The following RAB6B variants were observed in gnomAD, a reference collection of about 807,000 sequenced individuals.
RAB6B encodes the protein RAB6B, member RAS oncogene family, also known as ras-related protein Rab-6B.
RAB6B carries 7 observed loss-of-function variants against 31.2 expected under a neutral mutation model. The observed-to-expected ratio is 0.22, with a 90% CI of 0.13 to 0.42. RAB6B has a LOEUF of 0.42. Ranked by LOEUF, RAB6B falls within the 10% of genes least tolerant of loss-of-function variation. The probability of loss-of-function intolerance (pLI) is 1.00; values close to 1 mark genes in which losing one functional copy is unlikely to be tolerated. For missense variants in RAB6B, 149 were observed against 280.6 expected (o/e 0.53, Z 3.35); for synonymous variants, 105 against 104.9 (o/e 1.00, Z -0.01).
At chr3:133,888,718 T>C (rs1048115985) in intron 1 of RAB6B, among the ~76,000 whole-genome samples, 1 of 152,214 alleles carries the variant, frequency 6.6e-6, no homozygotes. Flanking sequence ...GTTATGAAAA[T>C]AATGAAAACA....
At chr3:133,892,130 G>A (rs980864957) in intron 1 of RAB6B, among the ~76,000 whole-genome samples, 3 of 152,098 alleles carry the variant, frequency 2.0e-5, no homozygotes, top group African/African-American at 7.2e-5. Flanking sequence ...TTGTCTTCTC[G>A]GACGCCATCA....
chr3:133,864,168 G>C (rs1576403037), intron 2 of RAB6B, among the ~76,000 whole-genome samples: 1 of 149,856 alleles, frequency 6.7e-6, no homozygotes, highest in South Asian at 2.1e-4. Flanking sequence ...GTGTGTGGGG[G>C]GGGGCGGGGG....
rs898913004 is a variant in RAB6B, at chr3:133,826,974, G to A, written c.*1814C>T. 6.5e-6 allele frequency: 1 copy of A among 152,674 alleles called. No individual in the cohort carries two copies. The highest frequency in any genetic ancestry group is 1.5e-5 in the Non-Finnish European group (1 of 68,052). 9.5% of individuals were successfully genotyped at this position (152,674 alleles called of 1,614,324 possible). A position where few individuals can be genotyped will look rare whatever the true frequency, so the allele number is the denominator to read the frequency against. On this transcript the variant is annotated 3_prime_UTR_variant, in exon 8 of 8. Transcript: ENST00000285208. Reference sequence around the variant, plus strand: ...ACACACATATAAAAACTAAACACATGACATCTGAAACACGTTCAAACATTG... The same window carrying A: ...ACACACATATAAAAACTAAACACATAACATCTGAAACACGTTCAAACATTG...
intron 1 of RAB6B, among the ~76,000 whole-genome samples, chr3:133,883,247 G>A (rs1413948756): frequency 2.0e-5 from 3 of 152,340 alleles, no homozygotes; most frequent in African/African-American, 4.8e-5. Flanking sequence ...CAGAGGCAGT[G>A]TGCTGGAAAA....
In RAB6B at chr3:133,827,746, A is replaced by ACACCCCCCC; in HGVS notation, c.*1041_*1042insGGGGGGGTG. On this transcript the variant is annotated 3_prime_UTR_variant, in exon 8 of 8. Coordinates refer to ENST00000285208, the MANE Select transcript of RAB6B (RefSeq NM_016577.4). The stretch of plus-strand genomic sequence containing the variant: ...TCAAGGTGGTGGTTCTGCAGACAAC[A>ACACCCCCCC]CCCCCCCCCCCCCCCGCCTCCCCAT... 1.4e-5 allele frequency: 1 copy of ACACCCCCCC among 72,110 alleles called. No individual in the cohort carries two copies. The highest frequency in any genetic ancestry group is 1.2e-4 in the South Asian group (1 of 8,432). 4.5% of individuals were successfully genotyped at this position (72,110 alleles called of 1,614,324 possible).
chr3:133,834,481 G>A lies in RAB6B; in HGVS notation c.562+94C>T, dbSNP rs1935703032. 3 of 1,356,898 alleles carry A rather than the reference G, an allele frequency of 2.2e-6. No homozygotes were observed. In the Admixed American group the frequency reaches 5.0e-5, roughly 23 times the overall value. The allele number at this position is 1,356,898 out of a possible 1,614,324, so 84.1% of individuals were successfully genotyped here. ...CGGCAGACCAGGGAAGGCTGGGCGG[G>A]GACTGGGCGAGTGTCTGTCCACTGC... On this transcript the variant is annotated intron_variant, in intron 7 of 7. Coordinates refer to ENST00000285208, the MANE Select transcript of RAB6B (RefSeq NM_016577.4).
At chr3:133,871,427 G>A (rs553197642) in intron 1 of RAB6B, among the ~76,000 whole-genome samples, 54 of 152,340 alleles carry the variant, frequency 3.5e-4, no homozygotes, top group South Asian at 6.2e-4. Flanking sequence ...TGGATGAAAC[G>A]ACAGTCATGT....
chr3:133,863,784 T>C (rs1410001528), intron 2 of RAB6B, among the ~76,000 whole-genome samples: 1 of 152,218 alleles, frequency 6.6e-6, no homozygotes, highest in Non-Finnish European at 1.5e-5. Context: ...TTATCATTTG[T>C]CTCTATCTAA....
At chr3:133,852,714 A>C (rs1032575352) in intron 2 of RAB6B, among the ~76,000 whole-genome samples, 1 of 152,156 alleles carries the variant, frequency 6.6e-6, no homozygotes, top group African/African-American at 2.4e-5. Context: ...CCAGGGCACA[A>C]GTGATCCTTC....
At chr3:133,832,264 G>A (rs558001351) in intron 7 of RAB6B, among the ~76,000 whole-genome samples, 1 of 152,136 alleles carries the variant, frequency 6.6e-6, no homozygotes, top group Non-Finnish European at 1.5e-5. Flanking sequence ...ACCATTTGGT[G>A]GCCCCTTGGC....
Position 133,839,611 on chromosome 3 carries a change from T to G in RAB6B, c.296A>C (p.Asn99Thr). ...AVVVYDITNL[N>T]SFQQTSKWID... ...CCACTTAGAGGTCTGTTGGAAGGAG[T>G]TGAGATCTGGAGGCAGAAAGTGAGG... is the stretch of plus-strand genomic sequence containing the variant. The change falls in exon 5 of 8, where the codon AAC becomes ACC. Residue 99 changes from asparagine (N) to threonine (T), a missense_variant. This residue lies in a region of RAB6B where 75 missense variants were observed against 180.1 expected (regional missense o/e 0.42). Coordinates refer to ENST00000285208, the MANE Select transcript of RAB6B (RefSeq NM_016577.4). 1.9e-6 allele frequency: 3 copies of G among 1,611,244 alleles called. No individual in the cohort carries two copies. Among genetic ancestry groups the G allele is most frequent in the Non-Finnish European group, 8.5e-7 (1 of 1,177,612 alleles).
At chr3:133,842,462 T>C (rs1935849879) in intron 2 of RAB6B, among the ~76,000 whole-genome samples, 1 of 152,238 alleles carries the variant, frequency 6.6e-6, no homozygotes, top group African/African-American at 2.4e-5. Flanking sequence ...GAGATATCAC[T>C]GCTATGTAAT....
intron 2 of RAB6B, among the ~76,000 whole-genome samples, chr3:133,843,703 C>G (rs1935868680): frequency 1.3e-5 from 2 of 152,200 alleles, no homozygotes; most frequent in African/African-American, 4.8e-5. Flanking sequence ...TCCCAGCCTT[C>G]TTTGCAGCTG....
At position 133,828,823 on chromosome 3, in the gene RAB6B, C is replaced by T. The variant is rs1935613944; in HGVS notation, c.592G>A (p.Glu198Lys). The change falls in exon 8 of 8, where the codon GAG becomes AAG. Residue 198 changes from glutamate (E) to lysine (K), a missense_variant. Physicochemically the swap from Glu to Lys is moderately conservative, Grantham distance 56. This residue lies in a region of RAB6B where 74 missense variants were observed against 100.5 expected (regional missense o/e 0.74). Coordinates refer to ENST00000285208, the MANE Select transcript of RAB6B (RefSeq NM_016577.4). ...CAGCCGCCCTCGCTGGCCGGGGGCT[C>T]CTGGGGTTTGTCCAGCTTGATGTCG... ...MIDIKLDKPQ[E>K]PPASEGGCSC The T allele has an allele frequency of 6.2e-7, 1 of 1,613,244 alleles. No individual in the cohort carries two copies. Among genetic ancestry groups the T allele is most frequent in the African/African-American group, 1.3e-5 (1 of 74,878 alleles).
chr3:133,877,174 G>T (rs1936408765), intron 1 of RAB6B, among the ~76,000 whole-genome samples: 1 of 152,220 alleles, frequency 6.6e-6, no homozygotes, highest in Admixed American at 6.5e-5. Flanking sequence ...AAAGGATAGG[G>T]CTGAGGCTCA....
intron 5 of RAB6B, 70 bp downstream of exon 5, chr3:133,839,436 G>A: frequency 7.4e-7 from 1 of 1,343,852 alleles, no homozygotes; most frequent in Non-Finnish European, 1.1e-6. Context: ...GCATCCCAGA[G>A]CTCCCTGTCC....
rs373073400 is a variant in RAB6B, at chr3:133,825,417, G to A, written c.*3371C>T. Reference sequence around the variant, plus strand: ...AGATACTGAAACTGGTCTGGCCATTGCTCCCCTCAGACCTGGGAACATGAC... The same window carrying A: ...AGATACTGAAACTGGTCTGGCCATTACTCCCCTCAGACCTGGGAACATGAC... On this transcript the variant is annotated 3_prime_UTR_variant, in exon 8 of 8. Coordinates refer to ENST00000285208, the MANE Select transcript of RAB6B (RefSeq NM_016577.4). 5 of 152,244 alleles carry A rather than the reference G, an allele frequency of 3.3e-5. No homozygotes were observed. Among genetic ancestry groups the A allele is most frequent in the African/African-American group, 1.2e-4 (5 of 41,444 alleles). 9.4% of individuals were successfully genotyped at this position (152,244 alleles called of 1,614,324 possible). A position where few individuals can be genotyped will look rare whatever the true frequency, so the allele number is the denominator to read the frequency against.
At chr3:133,862,049 C>T (rs1362061747) in intron 2 of RAB6B, among the ~76,000 whole-genome samples, 2 of 151,832 alleles carry the variant, frequency 1.3e-5, no homozygotes, top group Non-Finnish European at 2.9e-5. Flanking sequence ...CCTCTGTATA[C>T]ACAGAATTGG....
chr3:133,831,196 T>C (rs942832924), intron 7 of RAB6B, among the ~76,000 whole-genome samples: 29 of 152,230 alleles, frequency 1.9e-4, no homozygotes, highest in Non-Finnish European at 4.3e-4. Context: ...TAAAAATACG[T>C]CTCACTGGGT....
Sources: gnomAD v4.1 joint callset for allele counts (sites outside exome capture counted in the v4.1 genomes callset) on GRCh38, gnomAD v4.1.1 for gene constraint, gnomAD v4.1.1 regional missense constraint, MANE v1.5 for transcripts, NCBI Gene and HGNC (gene_info 2026-07-23, HGNC 2026-07-21) for gene names.